Variants in TECRL observed in about 807,000 individuals in gnomAD.
TECRL encodes the protein trans-2,3-enoyl-CoA reductase-like.
In TECRL, 63 loss-of-function variants were observed where a neutral mutation model predicts 52.8. The observed-to-expected ratio is 1.19, with a 90% CI of 0.97 to 1.47. TECRL has a LOEUF of 1.47. Among genes scored for constraint, TECRL ranks in the 40% most tolerant of loss-of-function variants. The probability of loss-of-function intolerance (pLI) is 0.00; values close to 1 mark genes in which losing one functional copy is unlikely to be tolerated. For synonymous variants in TECRL, 164 were observed against 141.9 expected (o/e 1.16, Z -1.10); for missense variants, 482 against 429.6 (o/e 1.12, Z -1.08).
chr4:64,367,982 C>T (rs928730919), intron 2 of TECRL, among the ~76,000 whole-genome samples: 3 of 151,942 alleles, frequency 2.0e-5, no homozygotes, highest in East Asian at 1.9e-4. Context: ...AGGGCATCAA[C>T]ACTACCAGGT....
intron 8 of TECRL, among the ~76,000 whole-genome samples, chr4:64,293,648 C>T (rs1471336373): frequency 1.6e-5 from 2 of 126,934 alleles, no homozygotes; most frequent in Non-Finnish European, 3.6e-5. Flanking sequence ...TCCACTTTTA[C>T]AATATTTAAA....
chr4:64,305,810 C>T (rs1724301952), intron 6 of TECRL, among the ~76,000 whole-genome samples: 1 of 152,196 alleles, frequency 6.6e-6, no homozygotes, highest in Non-Finnish European at 1.5e-5. Context: ...AATTTTACCA[C>T]TCCCCTTAGG....
chr4:64,283,654 C>T (rs1410861332), intron 9 of TECRL, among the ~76,000 whole-genome samples: 1 of 151,942 alleles, frequency 6.6e-6, no homozygotes, highest in African/African-American at 2.4e-5. Context: ...TGCAAAGAGG[C>T]TCGAAGAGGG....
At chr4:64,308,375 C>T (rs912738031) in intron 6 of TECRL, among the ~76,000 whole-genome samples, 1 of 152,160 alleles carries the variant, frequency 6.6e-6, no homozygotes, top group Non-Finnish European at 1.5e-5. Context: ...ATTGTGGCTT[C>T]AGCTTCCCCC....
intron 7 of TECRL, chr4:64,304,898 A>ATTG: frequency 4.1e-6 from 1 of 244,252 alleles, no homozygotes; most frequent in Non-Finnish European, 7.8e-6. Flanking sequence ...TTTATCTTTA[A>ATTG]TTGTTGTTTT....
chr4:64,332,455 A>G (rs1214212301), intron 2 of TECRL, among the ~76,000 whole-genome samples: 1 of 152,176 alleles, frequency 6.6e-6, no homozygotes, highest in South Asian at 2.1e-4. Context: ...TTCAGACCCT[A>G]TAATTATCTC....
At chr4:64,357,761 GCCATACAAAAC>G (rs1720873732) in intron 2 of TECRL, among the ~76,000 whole-genome samples, 1 of 151,258 alleles carries the variant, frequency 6.6e-6, no homozygotes, top group African/African-American at 2.4e-5. Context: ...TTCTAAATAA[GCCATACAAAAC>G]CCAAAATATA....
At chr4:64,385,645 C>T (rs1469185040) in intron 1 of TECRL, among the ~76,000 whole-genome samples, 7 of 152,016 alleles carry the variant, frequency 4.6e-5, no homozygotes, top group African/African-American at 1.2e-4. Context: ...GGTTGTTGGG[C>T]CCCAAGGCAG....
chr4:64,322,765 G>T lies in TECRL; in HGVS notation c.359C>A (p.Thr120Asn). 6.2e-7 allele frequency: 1 copy of T among 1,609,510 alleles called. No homozygotes were observed. The highest frequency in any genetic ancestry group is 1.1e-5 in the South Asian group (1 of 89,932). ...GGAGGAAGCTGCAATACTTTGAATG[G>T]TAATGTAGTCCTTCAAAAAAGGCCC... ...CGGPFLKDYITIQSIAASSIV... is the reference protein window; with the variant it reads ...CGGPFLKDYINIQSIAASSIV... The change falls in exon 4 of 12, where the codon ACC (threonine) becomes AAC (asparagine). Residue 120 changes from threonine to asparagine, a missense_variant. Coordinates refer to ENST00000381210, the MANE Select transcript of TECRL (RefSeq NM_001010874.5).
intron 2 of TECRL, among the ~76,000 whole-genome samples, chr4:64,360,164 T>C (rs1721075586): frequency 6.6e-6 from 1 of 152,170 alleles, no homozygotes; most frequent in Non-Finnish European, 1.5e-5. Context: ...GAAATGTAGA[T>C]TCCTCCCAAA....
intron 9 of TECRL, 92 bp from the exon 10 acceptor site, chr4:64,281,651 T>C (rs1722835901): frequency 1.6e-6 from 1 of 633,288 alleles, no homozygotes; most frequent in East Asian, 3.0e-5. Flanking sequence ...CCAAAATAAC[T>C]GTGTACCACA....
At chr4:64,339,121 A>G (rs1719352892) in intron 2 of TECRL, among the ~76,000 whole-genome samples, 1 of 152,018 alleles carries the variant, frequency 6.6e-6, no homozygotes, top group Non-Finnish European at 1.5e-5. Flanking sequence ...TGATGAGTTC[A>G]TGTCCTTTGT....
intron 7 of TECRL, among the ~76,000 whole-genome samples, chr4:64,302,218 C>G (rs1724064203): frequency 6.6e-6 from 1 of 151,330 alleles, no homozygotes; most frequent in Admixed American, 6.6e-5. Flanking sequence ...AATATGTATA[C>G]AACATGCTGT....
intron 2 of TECRL, among the ~76,000 whole-genome samples, chr4:64,355,029 G>A (rs1720666283): frequency 6.6e-6 from 1 of 152,140 alleles, no homozygotes; most frequent in South Asian, 2.1e-4. Context: ...TAGTAGTTAT[G>A]AGATTAGCAT....
chr4:64,364,991 T>A (rs1721492731), intron 2 of TECRL, among the ~76,000 whole-genome samples: 1 of 151,882 alleles, frequency 6.6e-6, no homozygotes. Flanking sequence ...GATGAAGATA[T>A]GTTCAAAATT....
intron 9 of TECRL, among the ~76,000 whole-genome samples, chr4:64,286,686 T>C (rs931132578): frequency 1.3e-5 from 2 of 151,902 alleles, no homozygotes; most frequent in African/African-American, 4.8e-5. Flanking sequence ...AAACCATCAT[T>C]TGACAAAGGA....
chr4:64,294,932 T>C (rs1723595864), intron 8 of TECRL, among the ~76,000 whole-genome samples: 1 of 152,040 alleles, frequency 6.6e-6, no homozygotes, highest in Non-Finnish European at 1.5e-5. Context: ...AGATAATGCA[T>C]ATCCACATAG....
intron 4 of TECRL, among the ~76,000 whole-genome samples, chr4:64,321,455 G>T (rs1258069840): frequency 6.6e-6 from 1 of 151,790 alleles, no homozygotes; most frequent in Non-Finnish European, 1.5e-5. Context: ...AATATGGAGT[G>T]GAATGTAAAT....
chr4:64,375,383 G>T (rs1722327014), intron 1 of TECRL, among the ~76,000 whole-genome samples, 160 bp from the exon 2 acceptor site: 1 of 151,688 alleles, frequency 6.6e-6, no homozygotes, highest in Admixed American at 6.6e-5. Context: ...AGCTTGAAAT[G>T]TTGCAATCAG....
Sources: gnomAD v4.1 joint callset for allele counts (sites outside exome capture counted in the v4.1 genomes callset) on GRCh38, gnomAD v4.1.1 for gene constraint, MANE v1.5 for transcripts, NCBI Gene and HGNC (gene_info 2026-07-23, HGNC 2026-07-21) for gene names.